SERPINB5: variants seen among roughly 807,000 people sequenced by gnomAD.
The protein encoded by SERPINB5 is serpin B5.
Under a neutral mutation model 32.2 loss-of-function variants are expected in SERPINB5, and 27 were observed. That is an observed-to-expected ratio of 0.84 (90% CI 0.62 to 1.16). SERPINB5 has a LOEUF of 1.16. Ranked by LOEUF, SERPINB5 falls within the 50% of genes most tolerant of loss-of-function variation. SERPINB5 has a pLI of 0.00. For missense variants in SERPINB5, 388 were observed against 436.3 expected (o/e 0.89, Z 0.99); for synonymous variants, 154 against 157.4 (o/e 0.98, Z 0.16).
chr18:63,487,111 C>T, intron 3 of SERPINB5, 28 bp downstream of exon 3: 1 of 1,604,532 alleles, frequency 6.2e-7, no homozygotes, highest in Non-Finnish European at 8.5e-7. Context: ...AGTAGCAAGA[C>T]TTAACTTTTT....
chr18:63,491,408 A>C (rs1032283307), intron 4 of SERPINB5, among the ~76,000 whole-genome samples: 5 of 107,792 alleles, frequency 4.6e-5, no homozygotes, highest in Non-Finnish European at 7.7e-5. Flanking sequence ...GTCTCCCAAA[A>C]AAAAAAAAAA....
rs1917266517 is a variant in SERPINB5, at chr18:63,489,463, T to C, written c.423T>C (p.Asp141=). 16 of 1,553,966 alleles carry C rather than the reference T, an allele frequency of 1.0e-5. No individual in the cohort carries two copies. Among genetic ancestry groups the C allele is most frequent in the Non-Finnish European group, 1.4e-5 (16 of 1,127,364 alleles). Residue 141 remains aspartate (D), a splice_region_variant and synonymous_variant, in exon 4 of 7, where the codon GAT becomes GAC. Transcript: ENST00000382771. ...ACAACTCAATTAAGGATCTCACAGATGGCAAGTACCCTTTAATTGTTCTGC... is the reference window on the plus strand; with the variant it reads ...ACAACTCAATTAAGGATCTCACAGACGGCAAGTACCCTTTAATTGTTCTGC... ...QINNSIKDLT[D]GHFENILADN...
At chr18:63,502,419 G>A (rs1282521073) in intron 6 of SERPINB5, among the ~76,000 whole-genome samples, 1 of 152,054 alleles carries the variant, frequency 6.6e-6, no homozygotes, top group Non-Finnish European at 1.5e-5. Flanking sequence ...GCAGGCGTGA[G>A]CCACTGCGCC....
At position 63,493,281 on chromosome 18, in the gene SERPINB5, T is replaced by C. The variant is rs531815976; in HGVS notation, c.567+186T>C. The C allele has an allele frequency of 1.4e-3, 965 of 698,742 alleles. 6 individuals carry two copies. The highest frequency in any genetic ancestry group is 0.01 in the Middle Eastern group (28 of 2,706). 43.3% of individuals were successfully genotyped at this position (698,742 alleles called of 1,614,324 possible). A position where few individuals can be genotyped will look rare whatever the true frequency, so the allele number is the denominator to read the frequency against. ...AGAGCCAGAATCCAGAGGCCCCCCC[T>C]CCTCTTTTCCATAATGTCTTCAAGG... On this transcript the variant is annotated intron_variant, in intron 5 of 6. Coordinates refer to ENST00000382771, the MANE Select transcript of SERPINB5 (RefSeq NM_002639.5).
At position 63,503,539 on chromosome 18, in the gene SERPINB5, A is replaced by G; in HGVS notation, c.945A>G (p.Leu315=). The change falls in exon 7 of 7, where the codon CTA becomes CTG. Residue 315 remains leucine (L), a synonymous_variant. Transcript: ENST00000382771. ...TGTCAGAGACCAAGGGAGTGGCCCTATCAAATGTTATCCACAAAGTGTGCT... is the reference window on the plus strand; with the variant it reads ...TGTCAGAGACCAAGGGAGTGGCCCTGTCAAATGTTATCCACAAAGTGTGCT... The part of the protein sequence containing the change: ...SGMSETKGVA[L]SNVIHKVCLE... 3 of 1,614,278 alleles carry G rather than the reference A, an allele frequency of 1.9e-6. No individual in the cohort carries two copies. The highest frequency in any genetic ancestry group is 2.5e-6 in the Non-Finnish European group (3 of 1,180,050).
At chr18:63,483,822 C>T (rs1917160818) in intron 1 of SERPINB5, among the ~76,000 whole-genome samples, 1 of 152,200 alleles carries the variant, frequency 6.6e-6, no homozygotes, top group African/African-American at 2.4e-5. Context: ...TAGGGCTCAC[C>T]TAACTCCAAT....
At chr18:63,484,141 A>G (rs7244879) in intron 1 of SERPINB5, among the ~76,000 whole-genome samples, 109,214 of 152,172 alleles carry the variant, frequency 0.72, 39,808 homozygotes, top group African/African-American at 0.85. Flanking sequence ...TGGAGAAGAG[A>G]TGTGACCACT....
intron 5 of SERPINB5, chr18:63,497,499 G>GAAAAAAAAAAAAAAAAAAAAAAAAAA (rs60323388): frequency 9.2e-6 from 2 of 217,028 alleles, no homozygotes; most frequent in African/African-American, 5.0e-5. Context: ...CAACGTTTCT[G>GAAAAAAAAAAAAAAAAAAAAAAAAAA]AAAAAAAAAA....
In SERPINB5 at chr18:63,489,482, G is replaced by T. The variant is rs766090567; in HGVS notation, c.424+18G>T. 1 of 1,420,030 alleles carries T rather than the reference G, an allele frequency of 7.0e-7. No homozygotes were observed. Among genetic ancestry groups the T allele is most frequent in the South Asian group, 1.2e-5 (1 of 84,548 alleles). 88.0% of individuals were successfully genotyped at this position (1,420,030 alleles called of 1,614,324 possible). On this transcript the variant is annotated intron_variant, in intron 4 of 6. Coordinates refer to ENST00000382771, the MANE Select transcript of SERPINB5 (RefSeq NM_002639.5). ...CACAGATGGCAAGTACCCTTTAATT[G>T]TTCTGCTATCAATCACCAAGTAAAC... is the stretch of plus-strand genomic sequence containing the variant.
chr18:63,492,053 G>A (rs774428173), intron 4 of SERPINB5, among the ~76,000 whole-genome samples: 20 of 152,150 alleles, frequency 1.3e-4, no homozygotes, highest in Admixed American at 2.0e-4. Context: ...GGGGTCACAG[G>A]CCTGTGAAGT....
chr18:63,480,485 T>C (rs1917109751), intron 1 of SERPINB5, among the ~76,000 whole-genome samples: 1 of 152,222 alleles, frequency 6.6e-6, no homozygotes, highest in African/African-American at 2.4e-5. Flanking sequence ...ACAGAAGTCA[T>C]TAGGCACATT....
rs1201886031 is a variant in SERPINB5, at chr18:63,504,010, T to C, written c.*288T>C. 11 of 352,812 alleles carry C rather than the reference T, an allele frequency of 3.1e-5. No homozygotes were observed. Among genetic ancestry groups the C allele is most frequent in the Middle Eastern group, 8.0e-4 (1 of 1,250 alleles). 21.9% of individuals were successfully genotyped at this position (352,812 alleles called of 1,614,324 possible). On this transcript the variant is annotated 3_prime_UTR_variant, in exon 7 of 7. Transcript: ENST00000382771. The stretch of plus-strand genomic sequence containing the variant: ...TCATTATTTGTCAAATTGTCCGGGG[T>C]AGTTGGCAGAAATACAGTCTTCCAC...
At chr18:63,495,753 C>A (rs1006786459) in intron 5 of SERPINB5, among the ~76,000 whole-genome samples, 2 of 152,144 alleles carry the variant, frequency 1.3e-5, no homozygotes, top group Non-Finnish European at 2.9e-5. Context: ...GGAAACTCAG[C>A]CTTTATGAAC....
intron 6 of SERPINB5, among the ~76,000 whole-genome samples, chr18:63,500,618 C>T (rs939742251): frequency 3.3e-5 from 5 of 152,114 alleles, no homozygotes; most frequent in African/African-American, 1.2e-4. Flanking sequence ...GCTCCCTCAC[C>T]TCTGCTTAGC....
At chr18:63,488,709 A>C (rs1422138135) in intron 3 of SERPINB5, among the ~76,000 whole-genome samples, 1 of 152,152 alleles carries the variant, frequency 6.6e-6, no homozygotes, top group East Asian at 1.9e-4. Context: ...TCAAGGTGGG[A>C]ATGGGGTTTA....
Position 63,499,287 on chromosome 18 carries a change from G to C in SERPINB5, c.735G>C (p.Lys245Asn). The change falls in exon 6 of 7, where the codon AAG becomes AAC. Residue 245 changes from lysine to asparagine, a missense_variant and splice_region_variant. By Grantham distance (94) the Lys-to-Asn change is moderately conservative. Coordinates refer to ENST00000382771, the MANE Select transcript of SERPINB5 (RefSeq NM_002639.5). ...AGGATGAGTCCACAGGCTTGGAGAAGGTAAGGAGAAGGCAGGTGCTCTCCA... is the reference window on the plus strand; with the variant it reads ...AGGATGAGTCCACAGGCTTGGAGAACGTAAGGAGAAGGCAGGTGCTCTCCA... Reference protein sequence around the residue: ...DVEDESTGLEKIEKQLNSESL... With the variant: ...DVEDESTGLENIEKQLNSESL... 1 of 1,556,046 alleles carries C rather than the reference G, an allele frequency of 6.4e-7. No homozygotes were observed. The highest frequency in any genetic ancestry group is 8.7e-7 in the Non-Finnish European group (1 of 1,149,466).
chr18:63,494,025 G>A (rs1394747243), intron 5 of SERPINB5, among the ~76,000 whole-genome samples: 1 of 151,848 alleles, frequency 6.6e-6, no homozygotes, highest in Non-Finnish European at 1.5e-5. Flanking sequence ...AAGTAAATAT[G>A]TTAAATAATT....
intron 1 of SERPINB5, among the ~76,000 whole-genome samples, chr18:63,481,957 C>T (rs927233325): frequency 4.6e-5 from 7 of 152,200 alleles, no homozygotes; most frequent in South Asian, 2.1e-4. Flanking sequence ...CAGGGGGCCT[C>T]GTGGTATATT....
chr18:63,499,181 A>G lies in SERPINB5; in HGVS notation c.629A>G (p.Asp210Gly). 1 of 1,602,368 alleles carries G rather than the reference A, an allele frequency of 6.2e-7. No individual in the cohort carries two copies. Among genetic ancestry groups the G allele is most frequent in the Non-Finnish European group, 8.5e-7 (1 of 1,174,076 alleles). ...MEATFCMGNI[D>G]SINCKIIELP... ...GCCACGTTCTGTATGGGAAACATTG[A>G]CAGTATCAATTGTAAGATCATAGAG... Residue 210 changes from aspartate to glycine, a missense_variant, in exon 6 of 7, where the codon GAC becomes GGC. Asp to Gly is a moderately conservative substitution (Grantham distance 94, BLOSUM62 -1). Coordinates refer to ENST00000382771, the MANE Select transcript of SERPINB5 (RefSeq NM_002639.5).
Sources: gnomAD v4.1 joint callset for allele counts (sites outside exome capture counted in the v4.1 genomes callset) on GRCh38, gnomAD v4.1.1 for gene constraint, MANE v1.5 for transcripts, NCBI Gene and HGNC (gene_info 2026-07-23, HGNC 2026-07-21) for gene names.